CAPN8: variants seen among roughly 807,000 people sequenced by gnomAD.
The protein encoded by CAPN8 is calpain 8, also known as calpain-8.
In CAPN8, 87 loss-of-function variants were observed where a neutral mutation model predicts 80.9. That is an observed-to-expected ratio of 1.07 (90% CI 0.90 to 1.28). The LOEUF (loss-of-function observed/expected upper bound fraction) is 1.28, where lower values mean the gene tolerates loss of function less well. Ranked by LOEUF, CAPN8 falls within the 50% of genes most tolerant of loss-of-function variation. CAPN8 has a pLI of 0.00. For missense variants in CAPN8, 757 were observed against 702.0 expected, an observed-to-expected ratio of 1.08 and a Z score of -0.89; for synonymous variants, 299 against 273.8, an observed-to-expected ratio of 1.09 and a Z score of -0.91.
At chr1:223,649,904 AC>A (rs1449567166) in intron 2 of CAPN8, among the ~76,000 whole-genome samples, 12 of 151,902 alleles carry the variant, frequency 7.9e-5, no homozygotes, top group African/African-American at 2.9e-4. Flanking sequence ...ATCCCCCTCC[AC>A]CCACGGTAGC....
At chr1:223,616,488 A>G (rs941513837) in intron 9 of CAPN8, among the ~76,000 whole-genome samples, 2 of 152,224 alleles carry the variant, frequency 1.3e-5, no homozygotes, top group Non-Finnish European at 2.9e-5. Flanking sequence ...CTGGGGAAAG[A>G]CTTAACATCA....
intron 1 of CAPN8, among the ~76,000 whole-genome samples, chr1:223,662,255 C>T (rs1048449656): frequency 6.6e-6 from 1 of 152,204 alleles, no homozygotes; most frequent in South Asian, 2.1e-4. Flanking sequence ...CCAGACCATC[C>T]TGGCCAACAT....
At chr1:223,656,650 T>C (rs1041662891) in intron 1 of CAPN8, among the ~76,000 whole-genome samples, 72 of 150,828 alleles carry the variant, frequency 4.8e-4, no homozygotes, top group Non-Finnish European at 8.1e-4. Flanking sequence ...CATATTTATG[T>C]ACATACACAC....
At chr1:223,553,491 A>G (rs1205838952) in intron 14 of CAPN8, among the ~76,000 whole-genome samples, 2 of 152,170 alleles carry the variant, frequency 1.3e-5, no homozygotes, top group East Asian at 3.9e-4. Context: ...CTATTTGGAG[A>G]GGTTTTGCCA....
At position 223,611,884 on chromosome 1, in the gene CAPN8, G is replaced by A. The variant is rs372240545; in HGVS notation, c.1323+362C>T. ...CCCAGAAGAACTGGGGTAAAGCTGAGCAGGGTGGATGCACCTATACATAAT... is the reference window on the plus strand; with the variant it reads ...CCCAGAAGAACTGGGGTAAAGCTGAACAGGGTGGATGCACCTATACATAAT... On this transcript the variant is annotated intron_variant, in intron 11 of 20. Coordinates refer to ENST00000366872, the MANE Select transcript of CAPN8 (RefSeq NM_001143962.2). Among the ~76,000 whole-genome samples the A allele has an allele frequency of 2.6e-5, 4 of 152,340 alleles. 1 individual carries two copies. Among genetic ancestry groups the A allele is most frequent in the Admixed American group, 6.5e-5 (1 of 15,306 alleles).
At chr1:223,660,771 G>A (rs1658622739) in intron 1 of CAPN8, among the ~76,000 whole-genome samples, 3 of 152,200 alleles carry the variant, frequency 2.0e-5, no homozygotes, top group African/African-American at 7.2e-5. Context: ...AGGATCATAT[G>A]AGTCACATTT....
In CAPN8 at chr1:223,620,247, T is replaced by A; in HGVS notation, c.919A>T (p.Ile307Leu). ...AGTTCTTCCTTCCGCCGGGGGTCTA[T>A]GTGATTCCACTCTGGTGCACTGAGG... ...WSDDAPEWNH[I>L]DPRRKEELDK... The change falls in exon 8 of 21, where the codon ATA becomes TTA. Residue 307 changes from isoleucine to leucine, a missense_variant. Coordinates refer to ENST00000366872, the MANE Select transcript of CAPN8 (RefSeq NM_001143962.2). The A allele has an allele frequency of 6.4e-7, 1 of 1,551,676 alleles. No homozygotes were observed. The highest frequency in any genetic ancestry group is 8.7e-7 in the Non-Finnish European group (1 of 1,146,968).
At chr1:223,623,096 C>A (rs923156349) in intron 6 of CAPN8, among the ~76,000 whole-genome samples, 196 bp from the exon 7 acceptor site, 1 of 152,172 alleles carries the variant, frequency 6.6e-6, no homozygotes, top group Non-Finnish European at 1.5e-5. Context: ...AGGTATTTTT[C>A]ATAATTTGTT....
At chr1:223,658,289 T>C (rs553063871) in intron 1 of CAPN8, among the ~76,000 whole-genome samples, 9 of 152,216 alleles carry the variant, frequency 5.9e-5, no homozygotes, top group Non-Finnish European at 1.3e-4. Context: ...AAATGTTGAG[T>C]TTGGGTTGGA....
chr1:223,543,070 C>T (rs747707832), intron 20 of CAPN8, 38 bp downstream of exon 20: 114 of 1,550,224 alleles, frequency 7.4e-5, no homozygotes, highest in Non-Finnish European at 9.2e-5. Flanking sequence ...TTTCAGAGTA[C>T]CATCAGCCAG....
At chr1:223,618,838 A>C (rs1657285773) in intron 9 of CAPN8, among the ~76,000 whole-genome samples, 2 of 152,226 alleles carry the variant, frequency 1.3e-5, no homozygotes, top group Non-Finnish European at 2.9e-5. Context: ...AGGGAGAAGC[A>C]GGGCCTCCAG....
chr1:223,545,010 T>G, intron 17 of CAPN8, 160 bp from the exon 18 acceptor site: 1 of 1,416,048 alleles, frequency 7.1e-7, no homozygotes, highest in South Asian at 1.5e-5. Flanking sequence ...CATAAGAGCT[T>G]GGCCAGTGCT....
chr1:223,553,405 C>T (rs1196728917), intron 14 of CAPN8, among the ~76,000 whole-genome samples: 1 of 152,168 alleles, frequency 6.6e-6, no homozygotes, highest in Admixed American at 6.5e-5. Context: ...CAGGGCTAGT[C>T]CTGCACACTA....
chr1:223,543,856 G>A (rs966499999), intron 19 of CAPN8, among the ~76,000 whole-genome samples: 23 of 152,202 alleles, frequency 1.5e-4, no homozygotes, highest in Admixed American at 7.9e-4. Context: ...GGCATCCTCC[G>A]TCCTGGATCT....
At position 223,649,153 on chromosome 1, in the gene CAPN8, G is replaced by A. The variant is rs549761919; in HGVS notation, c.307+5177C>T. ...TCAAATTTCATTTTTCAGAGACCAA[G>A]GTCTACTTTTATACAGTAGCATCGC... is the stretch of plus-strand genomic sequence containing the variant. On this transcript the variant is annotated intron_variant, in intron 2 of 20. Transcript: ENST00000366872. Among the ~76,000 whole-genome samples, 94 of 152,326 alleles carry A rather than the reference G, an allele frequency of 6.2e-4. 1 individual carries two copies. In the South Asian group the frequency reaches 0.018, roughly 30 times the overall value.
intron 18 of CAPN8, 92 bp downstream of exon 18, chr1:223,544,680 A>G: frequency 6.6e-7 from 1 of 1,519,132 alleles, no homozygotes; most frequent in Non-Finnish European, 8.9e-7. Context: ...AAAGCTACAA[A>G]TGATGATCAT....
intron 2 of CAPN8, among the ~76,000 whole-genome samples, chr1:223,638,115 A>T (rs774289912): frequency 2.0e-5 from 3 of 152,204 alleles, no homozygotes; most frequent in South Asian, 2.1e-4. Context: ...TGTACTGAAC[A>T]TGTACAGACT....
intron 2 of CAPN8, among the ~76,000 whole-genome samples, chr1:223,641,708 G>A (rs1048919332): frequency 1.1e-4 from 16 of 152,268 alleles, no homozygotes; most frequent in African/African-American, 3.1e-4. Flanking sequence ...CCCCGCCCCA[G>A]TGCTATGCAC....
chr1:223,628,264 C>CCA, intron 3 of CAPN8, 122 bp from the exon 4 acceptor site: 1 of 1,157,900 alleles, frequency 8.6e-7, no homozygotes, highest in South Asian at 1.6e-5. Context: ...TCCTTAGGAG[C>CCA]AGGACATGTG....
Sources: allele counts gnomAD v4.1 joint callset (sites outside exome capture counted in the v4.1 genomes callset), GRCh38; gene constraint gnomAD v4.1.1; transcripts MANE v1.5; gene names NCBI Gene and HGNC (gene_info 2026-07-23, HGNC 2026-07-21).